The following CAMKMT variants were observed in gnomAD, a reference collection of about 807,000 sequenced individuals.
The protein encoded by CAMKMT is calmodulin-lysine N-methyltransferase, also known as CaM KMT.
In CAMKMT, 53 loss-of-function variants were observed where a neutral mutation model predicts 48.0. The ratio of observed to expected loss-of-function variants is 1.10; its 90% CI spans 0.89 to 1.39. CAMKMT has a LOEUF of 1.39. CAMKMT is among the 40% of genes most tolerant of loss of function. The pLI, the probability that CAMKMT is intolerant of heterozygous loss-of-function variation, is 0.00. For synonymous variants in CAMKMT, 165 were observed against 152.3 expected, an observed-to-expected ratio of 1.08 and a Z score of -0.61; for missense variants, 428 against 402.7, an observed-to-expected ratio of 1.06 and a Z score of -0.54.
chr2:44,497,592 G>T (rs529873657), intron 3 of CAMKMT, among the ~76,000 whole-genome samples: 23 of 152,028 alleles, frequency 1.5e-4, no homozygotes, highest in African/African-American at 5.3e-4. Flanking sequence ...TTCTTTTGGG[G>T]GAATAAACCT....
At chr2:44,632,545 G>A (rs1672895346) in intron 3 of CAMKMT, among the ~76,000 whole-genome samples, 1 of 152,118 alleles carries the variant, frequency 6.6e-6, no homozygotes, top group African/African-American at 2.4e-5. Context: ...TGTGACAAGA[G>A]CAACTAAAAT....
chr2:44,426,848 G>A (rs943988220), intron 3 of CAMKMT, among the ~76,000 whole-genome samples: 6 of 152,052 alleles, frequency 3.9e-5, no homozygotes, highest in Admixed American at 1.3e-4. Flanking sequence ...AACCAAAAAA[G>A]AGCCCAAGTA....
At chr2:44,374,001 A>G (rs775616146) in intron 2 of CAMKMT, among the ~76,000 whole-genome samples, 32 of 150,896 alleles carry the variant, frequency 2.1e-4, no homozygotes, top group Admixed American at 4.0e-4. Context: ...GCATGTGCCT[A>G]TGGTCTTAGC....
chr2:44,746,540 G>A (rs1679924912), intron 8 of CAMKMT, among the ~76,000 whole-genome samples: 1 of 152,148 alleles, frequency 6.6e-6, no homozygotes, highest in Non-Finnish European at 1.5e-5. Flanking sequence ...AACTGTGAAA[G>A]CTAGTCATTA....
intron 3 of CAMKMT, among the ~76,000 whole-genome samples, chr2:44,511,751 C>G (rs1261072464): frequency 6.6e-6 from 1 of 152,192 alleles, no homozygotes; most frequent in Non-Finnish European, 1.5e-5. Context: ...CCAGCTGTTC[C>G]CTCCTCCTGG....
chr2:44,593,763 C>CTTT lies in CAMKMT; in HGVS notation c.377-110505_377-110503dup, dbSNP rs61603790. Among the ~76,000 whole-genome samples, 488 of 122,670 alleles carry CTTT rather than the reference C, an allele frequency of 4.0e-3. 24 individuals carry two copies. The highest frequency in any genetic ancestry group is 0.012 in the African/African-American group (383 of 31,920). The allele number at this position is 122,670 out of a possible 152,430, so 80.5% of individuals were successfully genotyped here. ...GGGAATTTTTGAAAAAGACAACTTC[C>CTTT]TTTTTTTTTTTTTTTTTGAGGCGGA... On this transcript the variant is annotated intron_variant, in intron 3 of 10. Coordinates refer to ENST00000378494, the MANE Select transcript of CAMKMT (RefSeq NM_024766.5).
At chr2:44,546,241 A>T (rs28639877) in intron 3 of CAMKMT, among the ~76,000 whole-genome samples, 297 of 151,160 alleles carry the variant, frequency 2.0e-3, no homozygotes, top group Non-Finnish European at 2.9e-3. Flanking sequence ...CCAATTTCAC[A>T]TCTAAGTTCT....
chr2:44,571,481 C>G (rs1668897797), intron 3 of CAMKMT, among the ~76,000 whole-genome samples: 1 of 152,124 alleles, frequency 6.6e-6, no homozygotes, highest in Admixed American at 6.5e-5. Context: ...GTGTTAGTAG[C>G]TGGACATCAT....
chr2:44,651,987 AAAG>A (rs1374761306), intron 3 of CAMKMT, among the ~76,000 whole-genome samples: 3 of 152,238 alleles, frequency 2.0e-5, no homozygotes, highest in Non-Finnish European at 4.4e-5. Flanking sequence ...ACATTTGAAG[AAAG>A]CTTTTTAATA....
intron 3 of CAMKMT, among the ~76,000 whole-genome samples, chr2:44,441,656 T>C (rs956854167): frequency 2.0e-5 from 3 of 152,192 alleles, no homozygotes; most frequent in African/African-American, 7.2e-5. Flanking sequence ...TGCATTGATA[T>C]TTGTAGATAT....
chr2:44,727,210 A>G (rs1266304053), intron 7 of CAMKMT, among the ~76,000 whole-genome samples: 2 of 152,230 alleles, frequency 1.3e-5, no homozygotes, highest in Admixed American at 6.5e-5. Context: ...TGCTTTGGGC[A>G]GTATGGCCAT....
chr2:44,679,989 A>G (rs573577768), intron 3 of CAMKMT, among the ~76,000 whole-genome samples: 135 of 152,356 alleles, frequency 8.9e-4, no homozygotes, highest in African/African-American at 3.0e-3. Flanking sequence ...AAGTTTGAAG[A>G]AAGTTCACAC....
intron 3 of CAMKMT, chr2:44,456,588 T>G (rs1413741893): frequency 9.7e-6 from 15 of 1,549,838 alleles, no homozygotes; most frequent in Non-Finnish European, 1.1e-5. Flanking sequence ...CAGGGGAAAA[T>G]GAAGATATCA....
chr2:44,607,546 C>G (rs187528245), intron 3 of CAMKMT, among the ~76,000 whole-genome samples: 1 of 152,174 alleles, frequency 6.6e-6, no homozygotes, highest in East Asian at 1.9e-4. Flanking sequence ...ATTTTCAATT[C>G]TACCTATACT....
intron 2 of CAMKMT, among the ~76,000 whole-genome samples, chr2:44,388,932 G>A (rs1016665554): frequency 3.9e-5 from 6 of 152,256 alleles, no homozygotes; most frequent in South Asian, 2.1e-4. Context: ...AATGGAGTCC[G>A]TGAGGGTTCT....
chr2:44,499,904 T>C (rs960595156), intron 3 of CAMKMT, among the ~76,000 whole-genome samples: 1 of 151,370 alleles, frequency 6.6e-6, no homozygotes, highest in Non-Finnish European at 1.5e-5. Context: ...TGACATTGGG[T>C]TTATACCTTG....
chr2:44,521,134 G>A (rs1348663181), intron 3 of CAMKMT, among the ~76,000 whole-genome samples: 1 of 152,188 alleles, frequency 6.6e-6, no homozygotes, highest in East Asian at 1.9e-4. Context: ...AGTTGAAAGT[G>A]ACATAATGTA....
chr2:44,399,732 G>C (rs569587311), intron 3 of CAMKMT, among the ~76,000 whole-genome samples: 3 of 152,010 alleles, frequency 2.0e-5, no homozygotes, highest in Non-Finnish European at 4.4e-5. Flanking sequence ...ATAGAATTGA[G>C]GAAGACGGCT....
chr2:44,758,061 T>A (rs1280276225), intron 9 of CAMKMT, among the ~76,000 whole-genome samples: 1 of 152,232 alleles, frequency 6.6e-6, no homozygotes, highest in Non-Finnish European at 1.5e-5. Context: ...TGGATGAAGA[T>A]GACACTTTAC....
Sources: allele counts gnomAD v4.1 joint callset (sites outside exome capture counted in the v4.1 genomes callset), GRCh38; gene constraint gnomAD v4.1.1; transcripts MANE v1.5; gene names NCBI Gene and HGNC (gene_info 2026-07-23, HGNC 2026-07-21).